FOXJ3: variants seen among roughly 807,000 people sequenced by gnomAD.
The protein encoded by FOXJ3 is forkhead box protein J3.
FOXJ3 carries 22 observed loss-of-function variants against 76.1 expected under a neutral mutation model. The observed-to-expected ratio is 0.29, with a 90% CI of 0.21 to 0.41. The LOEUF (loss-of-function observed/expected upper bound fraction) is 0.41, where lower values mean the gene tolerates loss of function less well. FOXJ3 is among the 10% of genes least tolerant of loss of function. The pLI is 1.00. For synonymous variants in FOXJ3, 269 were observed against 261.2 expected, an observed-to-expected ratio of 1.03 and a Z score of -0.29; for missense variants, 613 against 762.1, an observed-to-expected ratio of 0.80 and a Z score of 2.30.
intron 2 of FOXJ3, among the ~76,000 whole-genome samples, chr1:42,283,540 G>GAA (rs1652863566): frequency 6.6e-6 from 1 of 152,146 alleles, no homozygotes; most frequent in Non-Finnish European, 1.5e-5. Context: ...AATGGGTACA[G>GAA]ATAAAAGAAA....
rs529318524 is a variant in FOXJ3, at chr1:42,200,542, G to A, written c.631-1312C>T. Among the ~76,000 whole-genome samples, 12 of 152,172 alleles carry A rather than the reference G, an allele frequency of 7.9e-5. No homozygotes were observed. In the East Asian group the frequency reaches 1.2e-3, roughly 15 times the overall value. On this transcript the variant is annotated intron_variant, in intron 6 of 12. Transcript: ENST00000361346. ...CGCCTAGGCTGGAGTGCAATGGTGCGATCTCGGCTCACTGCAACCTCTGTC... is the reference window on the plus strand; with the variant it reads ...CGCCTAGGCTGGAGTGCAATGGTGCAATCTCGGCTCACTGCAACCTCTGTC...
At chr1:42,261,149 A>C (rs556632431) in intron 4 of FOXJ3, among the ~76,000 whole-genome samples, 1 of 152,256 alleles carries the variant, frequency 6.6e-6, no homozygotes, top group Non-Finnish European at 1.5e-5. Context: ...TTTACCTTTA[A>C]GATAATTAAG....
chr1:42,231,714 C>A (rs759022373), intron 4 of FOXJ3, among the ~76,000 whole-genome samples: 9 of 152,032 alleles, frequency 5.9e-5, no homozygotes, highest in African/African-American at 1.7e-4. Flanking sequence ...ACGACCATGG[C>A]GTAATGCAGC....
intron 1 of FOXJ3, among the ~76,000 whole-genome samples, chr1:42,311,827 C>T (rs1179012127): frequency 1.3e-5 from 2 of 152,058 alleles, no homozygotes; most frequent in African/African-American, 4.8e-5. Context: ...CTAATACCAC[C>T]CACATAACTT....
chr1:42,277,850 G>A (rs1276686315), intron 3 of FOXJ3, among the ~76,000 whole-genome samples: 1 of 148,234 alleles, frequency 6.7e-6, no homozygotes, highest in African/African-American at 2.5e-5. Context: ...GGTGGCAGGC[G>A]TCTATAGTCC....
chr1:42,232,569 T>C lies in FOXJ3; in HGVS notation c.445-4603A>G, dbSNP rs1274701070. Among the ~76,000 whole-genome samples the C allele has an allele frequency of 4.7e-4, 67 of 143,476 alleles. No individual in the cohort carries two copies. The East Asian group carries it at 6.6e-3, about 14-fold the overall frequency. The allele number at this position is 143,476 out of a possible 152,430, so 94.1% of individuals were successfully genotyped here. ...GCCAGTGATGATGAGCATTTTTTCA[T>C]GTGTCTTTTGGCTGCATAAATGTCT... On this transcript the variant is annotated intron_variant, in intron 4 of 12. Transcript: ENST00000361346.
chr1:42,307,637 T>G (rs917541407), intron 2 of FOXJ3, among the ~76,000 whole-genome samples: 1 of 152,198 alleles, frequency 6.6e-6, no homozygotes, highest in South Asian at 2.1e-4. Flanking sequence ...GTGACTTTTG[T>G]TGAAATGCAA....
chr1:42,284,197 A>C (rs1373638608), intron 2 of FOXJ3, among the ~76,000 whole-genome samples: 1 of 152,180 alleles, frequency 6.6e-6, no homozygotes, highest in Non-Finnish European at 1.5e-5. Flanking sequence ...TGGTGATACA[A>C]GTAACATAAC....
intron 2 of FOXJ3, among the ~76,000 whole-genome samples, chr1:42,287,790 G>A (rs1480061566): frequency 2.0e-5 from 3 of 152,036 alleles, no homozygotes; most frequent in South Asian, 2.1e-4. Context: ...GCGAAACCCC[G>A]TCTTTACAAA....
intron 11 of FOXJ3, among the ~76,000 whole-genome samples, chr1:42,183,851 G>A (rs1646379963): frequency 6.6e-6 from 1 of 151,970 alleles, no homozygotes; most frequent in African/African-American, 2.4e-5. Flanking sequence ...CTCTGTCCAT[G>A]CAGATAGGGA....
chr1:42,184,296 T>TA (rs1376767160), intron 11 of FOXJ3, among the ~76,000 whole-genome samples: 1 of 152,148 alleles, frequency 6.6e-6, no homozygotes, highest in Non-Finnish European at 1.5e-5. Context: ...TATTGGGAAT[T>TA]AATCTTTTAC....
intron 1 of FOXJ3, among the ~76,000 whole-genome samples, chr1:42,324,570 CA>C: frequency 6.6e-6 from 1 of 152,046 alleles, no homozygotes; most frequent in East Asian, 1.9e-4. Flanking sequence ...CATCACTGTA[CA>C]AACGTCAGAG....
chr1:42,261,354 A>G (rs752155434), intron 4 of FOXJ3, among the ~76,000 whole-genome samples: 2 of 152,166 alleles, frequency 1.3e-5, no homozygotes, highest in Non-Finnish European at 2.9e-5. Context: ...TCTGTCCCCA[A>G]AAAAGCAGCA....
At chr1:42,203,150 T>C (rs899973860) in intron 6 of FOXJ3, among the ~76,000 whole-genome samples, 21 of 152,352 alleles carry the variant, frequency 1.4e-4, no homozygotes, top group Admixed American at 3.9e-4. Flanking sequence ...ACTGGGTTTA[T>C]TCAAGTTTCC....
intron 4 of FOXJ3, among the ~76,000 whole-genome samples, chr1:42,260,825 C>T (rs1273214727): frequency 6.6e-6 from 1 of 152,152 alleles, no homozygotes; most frequent in East Asian, 1.9e-4. Context: ...CAAAGATTCC[C>T]CAACCCCTAC....
intron 4 of FOXJ3, among the ~76,000 whole-genome samples, chr1:42,230,272 C>T (rs1647964851): frequency 6.6e-6 from 1 of 152,112 alleles, no homozygotes; most frequent in Admixed American, 6.5e-5. Context: ...CTTAAAATTC[C>T]TCTTCACATA....
intron 2 of FOXJ3, among the ~76,000 whole-genome samples, chr1:42,290,038 AAT>A (rs1029137479): frequency 3.3e-5 from 5 of 152,196 alleles, no homozygotes; most frequent in Non-Finnish European, 7.4e-5. Flanking sequence ...CACATGGTAG[AAT>A]ATGAGTAGTT....
chr1:42,286,898 T>C (rs1465822063), intron 2 of FOXJ3, among the ~76,000 whole-genome samples: 1 of 151,588 alleles, frequency 6.6e-6, no homozygotes, highest in Non-Finnish European at 1.5e-5. Context: ...CCTCCCAAAG[T>C]GCTGGGATTA....
intron 5 of FOXJ3, among the ~76,000 whole-genome samples, chr1:42,211,435 G>A (rs927294499): frequency 2.0e-5 from 3 of 152,078 alleles, no homozygotes; most frequent in African/African-American, 7.2e-5. Context: ...TGGCCTGAAA[G>A]ACAGCTTTGG....
Sources: allele counts gnomAD v4.1 joint callset (sites outside exome capture counted in the v4.1 genomes callset), GRCh38; gene constraint gnomAD v4.1.1; transcripts MANE v1.5; gene names NCBI Gene and HGNC (gene_info 2026-07-23, HGNC 2026-07-21).